GRM7: variants seen among roughly 807,000 people sequenced by gnomAD.
GRM7 encodes metabotropic glutamate receptor 7.
Under a neutral mutation model 84.5 loss-of-function variants are expected in GRM7, and 35 were observed. The observed-to-expected ratio is 0.41, with a 90% CI of 0.32 to 0.55. The LOEUF (loss-of-function observed/expected upper bound fraction) is 0.55, where lower values mean the gene tolerates loss of function less well. Among genes scored for constraint, GRM7 ranks in the 20% least tolerant of loss-of-function variants. The pLI is 0.19. For synonymous variants in GRM7, 487 were observed against 455.1 expected (o/e 1.07, Z -0.89); for missense variants, 1,003 against 1,194.6 (o/e 0.84, Z 2.36).
rs569093284 is a variant in GRM7 at position 6,998,387 on chromosome 3, C to T, written c.519+136480C>T. Among the ~76,000 whole-genome samples, 11 of 152,236 alleles carry T rather than the reference C, an allele frequency of 7.2e-5. No homozygotes were observed. In the East Asian group the frequency reaches 1.9e-3, roughly 27 times the overall value. ...GTGGCTTGGCAGGGTACAGTCCCCC[C>T]CAAAGTTGCTTTCATGGGCTGGTGT... On this transcript the variant is annotated intron_variant, in intron 1 of 9. Transcript: ENST00000357716.
At chr3:7,193,723 C>T (rs1240284108) in intron 2 of GRM7, among the ~76,000 whole-genome samples, 3 of 151,828 alleles carry the variant, frequency 2.0e-5, no homozygotes, top group East Asian at 1.9e-4. Context: ...ACACATAGGA[C>T]AGATATTAGG....
At chr3:7,601,942 C>T (rs138680822) in intron 8 of GRM7, among the ~76,000 whole-genome samples, 34 of 152,076 alleles carry the variant, frequency 2.2e-4, no homozygotes, top group Non-Finnish European at 4.6e-4. Context: ...TCCATCTCTG[C>T]AGCCGAGGAG....
intron 9 of GRM7, among the ~76,000 whole-genome samples, chr3:7,694,957 G>GAAAC (rs1305024026): frequency 6.6e-6 from 1 of 152,132 alleles, no homozygotes; most frequent in East Asian, 1.9e-4. Context: ...CCAGGTTTGG[G>GAAAC]AAACAGTCTT....
At chr3:6,907,462 A>T (rs1696623281) in intron 1 of GRM7, among the ~76,000 whole-genome samples, 1 of 152,182 alleles carries the variant, frequency 6.6e-6, no homozygotes, top group Non-Finnish European at 1.5e-5. Flanking sequence ...CGGTGCTTTA[A>T]CAGCAAGGTC....
At chr3:7,356,344 C>T (rs1028053056) in intron 4 of GRM7, among the ~76,000 whole-genome samples, 1 of 151,570 alleles carries the variant, frequency 6.6e-6, no homozygotes, top group Admixed American at 6.6e-5. Context: ...CTCTGTCGCC[C>T]AGGCTGGTGT....
chr3:7,470,989 G>A (rs959237850), intron 7 of GRM7, among the ~76,000 whole-genome samples: 1 of 151,484 alleles, frequency 6.6e-6, no homozygotes, highest in African/African-American at 2.4e-5. Context: ...CCCTGTTTGA[G>A]TCCTGCCTTT....
chr3:7,714,726 T>A (rs991918457), intron 9 of GRM7, among the ~76,000 whole-genome samples: 8 of 152,198 alleles, frequency 5.3e-5, no homozygotes, highest in African/African-American at 1.9e-4. Flanking sequence ...GCACGTAATT[T>A]CCTCTGTGGA....
chr3:7,409,523 C>G (rs1695824332), intron 4 of GRM7, among the ~76,000 whole-genome samples: 1 of 152,034 alleles, frequency 6.6e-6, no homozygotes, highest in African/African-American at 2.4e-5. Context: ...GATGGATGAT[C>G]TCTCTGTGTA....
chr3:7,062,908 T>C (rs1697482378), intron 1 of GRM7, among the ~76,000 whole-genome samples: 1 of 151,726 alleles, frequency 6.6e-6, no homozygotes. Context: ...GCTGGCTATG[T>C]TCCTAGAAGA....
intron 7 of GRM7, among the ~76,000 whole-genome samples, chr3:7,556,261 C>G (rs1229278340): frequency 6.6e-6 from 1 of 152,066 alleles, no homozygotes; most frequent in Admixed American, 6.6e-5. Context: ...TTAATCATCC[C>G]CAATGGTTCT....
intron 7 of GRM7, among the ~76,000 whole-genome samples, chr3:7,557,399 G>T (rs549922830): frequency 3.9e-5 from 6 of 152,144 alleles, no homozygotes; most frequent in African/African-American, 1.4e-4. Context: ...ATGTAGTTTT[G>T]CAGTTTGAAT....
intron 7 of GRM7, among the ~76,000 whole-genome samples, chr3:7,482,798 A>G (rs1359038659): frequency 6.6e-6 from 1 of 152,234 alleles, no homozygotes; most frequent in Non-Finnish European, 1.5e-5. Flanking sequence ...AGGAGCTTTC[A>G]GAAGTGTTCT....
intron 1 of GRM7, among the ~76,000 whole-genome samples, chr3:7,138,847 G>T (rs557526968): frequency 6.6e-6 from 1 of 151,264 alleles, no homozygotes; most frequent in South Asian, 2.1e-4. Context: ...GTGCAGAATA[G>T]ATTCCTAAGA....
At chr3:6,867,104 T>A (rs1694962230) in intron 1 of GRM7, among the ~76,000 whole-genome samples, 5 of 152,208 alleles carry the variant, frequency 3.3e-5, no homozygotes, top group Admixed American at 2.6e-4. Flanking sequence ...AATCTAGATA[T>A]GTCTGTGAGT....
At chr3:7,109,529 T>A (rs1692772077) in intron 1 of GRM7, among the ~76,000 whole-genome samples, 1 of 152,118 alleles carries the variant, frequency 6.6e-6, no homozygotes, top group Non-Finnish European at 1.5e-5. Context: ...AAAGTAATCA[T>A]TGCCAGTAGA....
chr3:7,539,576 T>C (rs1330113857), intron 7 of GRM7, among the ~76,000 whole-genome samples: 6 of 150,050 alleles, frequency 4.0e-5, no homozygotes, highest in Admixed American at 3.4e-4. Context: ...CTCAGGAAGC[T>C]GAGGCAGGGA....
At chr3:7,103,670 G>A (rs9867217) in intron 1 of GRM7, among the ~76,000 whole-genome samples, 26 of 151,344 alleles carry the variant, frequency 1.7e-4, no homozygotes, top group South Asian at 4.2e-4. Flanking sequence ...ACATTTGATT[G>A]CATGACCTCT....
chr3:7,537,150 G>A (rs1439961810), intron 7 of GRM7, among the ~76,000 whole-genome samples: 1 of 152,150 alleles, frequency 6.6e-6, no homozygotes, highest in Non-Finnish European at 1.5e-5. Context: ...GGCCAGCTGT[G>A]TAAACTTGAG....
chr3:7,412,039 T>G (rs1001560436), intron 4 of GRM7, among the ~76,000 whole-genome samples: 69 of 151,390 alleles, frequency 4.6e-4, no homozygotes, highest in African/African-American at 1.5e-3. Flanking sequence ...CTCTCCTCTC[T>G]CTCTCTCTCC....
Sources: gnomAD v4.1 joint callset for allele counts (sites outside exome capture counted in the v4.1 genomes callset) on GRCh38, gnomAD v4.1.1 for gene constraint, MANE v1.5 for transcripts, NCBI Gene and HGNC (gene_info 2026-07-23, HGNC 2026-07-21) for gene names.